OS9: variants seen among roughly 807,000 people sequenced by gnomAD.
OS9 encodes OS9 endoplasmic reticulum lectin.
OS9 carries 58 observed loss-of-function variants against 84.7 expected under a neutral mutation model. The ratio of observed to expected loss-of-function variants is 0.68; its 90% confidence interval spans 0.55 to 0.85. The LOEUF is 0.85. Among genes scored for constraint, OS9 ranks in the 40% least tolerant of loss-of-function variants. OS9 has a pLI of 0.00. For missense variants in OS9, 760 were observed against 850.9 expected (o/e 0.89, Z 1.33); for synonymous variants, 278 against 320.8 (o/e 0.87, Z 1.43).
chr12:57,700,774 A>AG (rs147633642), intron 5 of OS9, among the ~76,000 whole-genome samples: 162 of 147,466 alleles, frequency 1.1e-3, no homozygotes, highest in Non-Finnish European at 1.5e-3. Flanking sequence ...AGAAAAAGTG[A>AG]GAAAAAAATG....
intron 5 of OS9, among the ~76,000 whole-genome samples, chr12:57,704,537 CA>C (rs35697476): frequency 1.4e-4 from 20 of 146,132 alleles, no homozygotes; most frequent in Non-Finnish European, 1.1e-4. Flanking sequence ...ACTCCATCTC[CA>C]AAAAAAAAAA....
In OS9 at chr12:57,718,128, C is replaced by T; in HGVS notation, c.1135-18C>T. 1.2e-6 allele frequency: 2 copies of T among 1,608,776 alleles called. No homozygotes were observed. The highest frequency in any genetic ancestry group is 1.7e-6 in the Non-Finnish European group (2 of 1,176,718). On this transcript the variant is annotated intron_variant, in intron 10 of 14. Coordinates refer to ENST00000315970, the MANE Select transcript of OS9 (RefSeq NM_006812.4). ...TTGAAACCCCAACTGTCTTTCTCCC[C>T]ACTCCCTACCCACCCAGGGGAAGCC...
chr12:57,710,611 T>C (rs1158500581), intron 5 of OS9, among the ~76,000 whole-genome samples: 1 of 152,220 alleles, frequency 6.6e-6, no homozygotes, highest in East Asian at 1.9e-4. Context: ...TTATATCTCA[T>C]AAATTTGTCT....
At chr12:57,706,964 G>T (rs2140310611) in intron 5 of OS9, among the ~76,000 whole-genome samples, 1 of 150,410 alleles carries the variant, frequency 6.6e-6, no homozygotes, top group Admixed American at 6.6e-5. Context: ...TTTATTTAAA[G>T]ATTATAAGAC....
intron 11 of OS9, 37 bp downstream of exon 11, chr12:57,718,458 G>T: frequency 6.3e-7 from 1 of 1,594,612 alleles, no homozygotes; most frequent in South Asian, 1.1e-5. Flanking sequence ...TTCCACAGCC[G>T]CCTGGTCCCG....
rs758621440 is a variant in OS9, at chr12:57,720,148, C to T, written c.1650C>T (p.Leu550=). 7.4e-6 allele frequency: 12 copies of T among 1,614,038 alleles called. No individual in the cohort carries two copies. The highest frequency in any genetic ancestry group is 5.0e-5 in the Admixed American group (3 of 60,006). The change falls in exon 13 of 15, where the codon CTC becomes CTT. Residue 550 remains leucine, a synonymous_variant. Transcript: ENST00000315970. ...RVRVRVTKLR[L]GGPNQDLTVL... Reference sequence around the variant, plus strand: ...GGGTCCGGGTCACCAAGCTCCGTCTCGGAGGCCCTAATCAGGATCTGACTG... The same window carrying T: ...GGGTCCGGGTCACCAAGCTCCGTCTTGGAGGCCCTAATCAGGATCTGACTG...
At chr12:57,705,990 T>C (rs1954155163) in intron 5 of OS9, among the ~76,000 whole-genome samples, 1 of 152,250 alleles carries the variant, frequency 6.6e-6, no homozygotes, top group African/African-American at 2.4e-5. Flanking sequence ...GAAACAGTTT[T>C]GGTTTCTTCC....
At chr12:57,695,065 G>C (rs1953785993) in intron 2 of OS9, 139 bp downstream of exon 2, 1 of 692,774 alleles carries the variant, frequency 1.4e-6, no homozygotes, top group Non-Finnish European at 2.5e-6. Context: ...AGATTACACG[G>C]ACAGGAAAGA....
chr12:57,697,574 A>G (rs1048663660), intron 5 of OS9, among the ~76,000 whole-genome samples: 3 of 152,166 alleles, frequency 2.0e-5, no homozygotes, highest in Non-Finnish European at 4.4e-5. Context: ...AGGGGAGGAA[A>G]TTAGGTTGGT....
chr12:57,701,040 T>A (rs576224589), intron 5 of OS9, among the ~76,000 whole-genome samples: 2 of 151,134 alleles, frequency 1.3e-5, no homozygotes, highest in Admixed American at 1.3e-4. Context: ...ATGCTTGTGC[T>A]AATAGCTAAA....
rs759837845 is a variant in OS9 at position 57,695,778 on chromosome 12, A to G, written c.340-2A>G. ...CCTGATTGTTTATTTTTTAATTGTCAGACAAAGGACTGGTGGACATATGAA... is the reference window on the plus strand; with the variant it reads ...CCTGATTGTTTATTTTTTAATTGTCGGACAAAGGACTGGTGGACATATGAA... On this transcript the variant is annotated splice_acceptor_variant, in intron 2 of 14. Transcript: ENST00000315970. LOFTEE classifies it high-confidence loss of function. The G allele has an allele frequency of 3.7e-6, 6 of 1,602,526 alleles. No homozygotes were observed. The Admixed American group carries it at 1.0e-4, about 27-fold the overall frequency.
chr12:57,720,094 C>CT lies in OS9; in HGVS notation c.1601-4dup, dbSNP rs746338469. Reference sequence around the variant, plus strand: ...TGTGTTTCCCTGTGTGTCTCCCCCTCTAAGAGGAGGATCCTGAGCACAGAG... The same window carrying CT: ...TGTGTTTCCCTGTGTGTCTCCCCCTCTTAAGAGGAGGATCCTGAGCACAGAG... On this transcript the variant is annotated splice_region_variant and splice_polypyrimidine_tract_variant and intron_variant, in intron 12 of 14. Transcript: ENST00000315970. 7 of 1,613,110 alleles carry CT rather than the reference C, an allele frequency of 4.3e-6. No individual in the cohort carries two copies. The highest frequency in any genetic ancestry group is 1.7e-5 in the Admixed American group (1 of 59,944).
At chr12:57,713,264 T>C (rs1161174889) in intron 5 of OS9, among the ~76,000 whole-genome samples, 2 of 152,198 alleles carry the variant, frequency 1.3e-5, no homozygotes, top group Non-Finnish European at 2.9e-5. Flanking sequence ...CTTTGGAGAA[T>C]GTTTTGGAGC....
Position 57,721,390 on chromosome 12 carries a change from C to T in OS9, c.*481C>T, listed in dbSNP as rs1416975362. 1.2e-5 allele frequency: 2 copies of T among 162,572 alleles called. No homozygotes were observed. Among genetic ancestry groups the T allele is most frequent in the African/African-American group, 4.8e-5 (2 of 41,460 alleles). The allele number at this position is 162,572 out of a possible 1,614,324, so 10.1% of individuals were successfully genotyped here. On this transcript the variant is annotated 3_prime_UTR_variant, in exon 15 of 15. Transcript: ENST00000315970. ...TTTCCTTCTCCCTTTCCCTGCCCAC[C>T]CTGTCCCCTACAATTTGTGCTTCTG...
rs1953775781 is a variant in OS9, at chr12:57,694,797, C to T, written c.210C>T (p.Arg70=). 1.2e-6 allele frequency: 2 copies of T among 1,613,968 alleles called. No homozygotes were observed. The highest frequency in any genetic ancestry group is 1.1e-5 in the South Asian group (1 of 91,082). ...VVIVSSKYKQ[R]YECRLPAGAI... Reference sequence around the variant, plus strand: ...TTGTCTCCTCTAAGTACAAACAGCGCTATGAGTGTCGCCTGCCAGCTGGAG... The same window carrying T: ...TTGTCTCCTCTAAGTACAAACAGCGTTATGAGTGTCGCCTGCCAGCTGGAG... Residue 70 remains arginine (R), a synonymous_variant, in exon 2 of 15, where the codon CGC becomes CGT. Transcript: ENST00000315970.
intron 5 of OS9, among the ~76,000 whole-genome samples, chr12:57,710,293 G>C (rs559363795): frequency 4.8e-4 from 73 of 152,278 alleles, no homozygotes; most frequent in African/African-American, 1.7e-3. Context: ...TTGGCATAAA[G>C]TTCATTGTAT....
At chr12:57,706,990 C>T (rs1954188997) in intron 5 of OS9, among the ~76,000 whole-genome samples, 1 of 151,704 alleles carries the variant, frequency 6.6e-6, no homozygotes, top group African/African-American at 2.4e-5. Flanking sequence ...TGGTTTGCTG[C>T]ATCATGAAGC....
Position 57,694,895 on chromosome 12 carries a change from G to C in OS9, c.308G>C (p.Ser103Thr), listed in dbSNP as rs143245320. 7.9e-5 allele frequency: 128 copies of C among 1,614,056 alleles called. No individual in the cohort carries two copies. Among genetic ancestry groups the C allele is most frequent in the Non-Finnish European group, 1.0e-5 (12 of 1,180,036 alleles). ...GGGCCTGGGATCCCTGAGTTGTTGA[G>C]CCCAATGAGAGATGCTCCCTGCTTG... Reference protein sequence around the residue: ...YQGPGIPELLSPMRDAPCLLK... With the variant: ...YQGPGIPELLTPMRDAPCLLK... The change falls in exon 2 of 15, where the codon AGC becomes ACC. Residue 103 changes from serine to threonine, a missense_variant. Coordinates refer to ENST00000315970, the MANE Select transcript of OS9 (RefSeq NM_006812.4).
In OS9 at chr12:57,711,917, T is replaced by G. The variant is rs116732873; in HGVS notation, c.580-3843T>G. The stretch of plus-strand genomic sequence containing the variant: ...CAGCCTGGGCAACAGAGCAAGACCC[T>G]GCATCTATTAAAAAAGAAGAAAAAG... On this transcript the variant is annotated intron_variant, in intron 5 of 14. Coordinates refer to ENST00000315970, the MANE Select transcript of OS9 (RefSeq NM_006812.4). Among the ~76,000 whole-genome samples, 378 of 152,254 alleles carry G rather than the reference T, an allele frequency of 2.5e-3. 1 individual carries two copies. The highest frequency in any genetic ancestry group is 8.7e-3 in the African/African-American group (363 of 41,546).
Sources: allele counts gnomAD v4.1 joint callset (sites outside exome capture counted in the v4.1 genomes callset), GRCh38; gene constraint gnomAD v4.1.1; transcripts MANE v1.5; gene names NCBI Gene and HGNC (gene_info 2026-07-23, HGNC 2026-07-21).